Variants in LEF1 observed in about 807,000 individuals in gnomAD.
The protein encoded by LEF1 is lymphoid enhancer binding factor 1, also known as lymphoid enhancer-binding factor 1.
In LEF1, 14 loss-of-function variants were observed where a neutral mutation model predicts 51.2. That is an observed-to-expected ratio of 0.27 (90% CI 0.18 to 0.43). The LOEUF (loss-of-function observed/expected upper bound fraction) is 0.43. Ranked by LOEUF, LEF1 falls within the 20% of genes least tolerant of loss-of-function variation. The pLI, the probability that LEF1 is intolerant of heterozygous loss-of-function variation, is 1.00. For missense variants in LEF1, 386 were observed against 512.0 expected, an observed-to-expected ratio of 0.75 and a Z score of 2.37; for synonymous variants, 185 against 183.2, an observed-to-expected ratio of 1.01 and a Z score of -0.08.
At chr4:108,157,179 T>TATAC (rs780217431) in intron 3 of LEF1, among the ~76,000 whole-genome samples, 1,257 of 116,750 alleles carry the variant, frequency 0.011, 10 homozygotes, top group East Asian at 0.03. Flanking sequence ...TATATATATA[T>TATAC]ACACACACAC....
At chr4:108,103,412 A>G (rs1740948632) in intron 3 of LEF1, among the ~76,000 whole-genome samples, 1 of 152,218 alleles carries the variant, frequency 6.6e-6, no homozygotes, top group Non-Finnish European at 1.5e-5. Context: ...ACAAAGAAAC[A>G]TCCATTTTAA....
chr4:108,064,412 TCA>T (rs758207570), intron 9 of LEF1, 28 bp from the exon 10 acceptor site: 10 of 1,552,310 alleles, frequency 6.4e-6, no homozygotes, highest in Non-Finnish European at 8.0e-6. Context: ...TACTGTCATG[TCA>T]CAGATTGTAC....
At chr4:108,057,974 A>T (rs1249874012) in intron 11 of LEF1, among the ~76,000 whole-genome samples, 1 of 151,676 alleles carries the variant, frequency 6.6e-6, no homozygotes, top group Non-Finnish European at 1.5e-5. Flanking sequence ...CCCAGGTTCA[A>T]GTGATTCTCC....
At chr4:108,067,133 T>C (rs1193803663) in intron 9 of LEF1, among the ~76,000 whole-genome samples, 3 of 152,220 alleles carry the variant, frequency 2.0e-5, no homozygotes, top group Non-Finnish European at 4.4e-5. Context: ...GAATGACTTA[T>C]TTTGATTATG....
chr4:108,063,897 T>G (rs147559426), intron 10 of LEF1, among the ~76,000 whole-genome samples: 1 of 152,274 alleles, frequency 6.6e-6, no homozygotes, highest in African/African-American at 2.4e-5. Flanking sequence ...ACAAACCCTA[T>G]CATTATGTTT....
chr4:108,134,949 A>G (rs1474738965), intron 3 of LEF1, among the ~76,000 whole-genome samples: 1 of 152,234 alleles, frequency 6.6e-6, no homozygotes, highest in Non-Finnish European at 1.5e-5. Flanking sequence ...CCTGCCTTTC[A>G]AATTCCCATA....
chr4:108,071,610 G>A (rs1738477667), intron 8 of LEF1: 1 of 152,186 alleles, frequency 6.6e-6, no homozygotes, highest in Admixed American at 6.5e-5. Context: ...GGGATTTTAA[G>A]GGGTTTACAT....
chr4:108,094,673 C>T (rs1292175366), intron 3 of LEF1, among the ~76,000 whole-genome samples: 1 of 152,182 alleles, frequency 6.6e-6, no homozygotes, highest in African/African-American at 2.4e-5. Context: ...CTAAACTAAA[C>T]CCAAAGTGCG....
intron 3 of LEF1, among the ~76,000 whole-genome samples, chr4:108,094,415 G>C (rs1740246423): frequency 6.6e-6 from 1 of 152,204 alleles, no homozygotes; most frequent in Non-Finnish European, 1.5e-5. Context: ...CACGAAGTGG[G>C]TGCCACTTAG....
intron 3 of LEF1, among the ~76,000 whole-genome samples, chr4:108,110,393 C>T (rs1741450194): frequency 6.6e-6 from 1 of 152,158 alleles, no homozygotes. Flanking sequence ...TTACTACGCC[C>T]CTAGTGAAAC....
intron 11 of LEF1, among the ~76,000 whole-genome samples, chr4:108,050,558 T>C (rs1736912992): frequency 6.6e-6 from 1 of 152,074 alleles, no homozygotes; most frequent in South Asian, 2.1e-4. Flanking sequence ...GAGCCTGGGG[T>C]GGGAGAGAGG....
intron 3 of LEF1, among the ~76,000 whole-genome samples, chr4:108,138,506 T>TACACACACACAC (rs79489271): frequency 6.6e-5 from 10 of 150,378 alleles, no homozygotes; most frequent in South Asian, 2.1e-4. Flanking sequence ...TGTGTGTGTA[T>TACACACACACAC]ACACACACAC....
chr4:108,081,752 G>T, intron 5 of LEF1, 83 bp from the exon 6 acceptor site: 2 of 938,584 alleles, frequency 2.1e-6, no homozygotes, highest in Non-Finnish European at 3.4e-6. Flanking sequence ...GGGGAGAAGA[G>T]GGAGATATTC....
At chr4:108,072,314 G>A (rs553406732) in intron 8 of LEF1, 16 of 152,346 alleles carry the variant, frequency 1.1e-4, no homozygotes, top group Non-Finnish European at 1.9e-4. Flanking sequence ...GTGTAGCTAA[G>A]AAAACAAACA....
At chr4:108,165,185 C>T (rs773984067) in intron 1 of LEF1, 22 bp from the exon 2 acceptor site, 2 of 1,610,372 alleles carry the variant, frequency 1.2e-6, no homozygotes, top group South Asian at 2.2e-5. Flanking sequence ...AATCCCCACA[C>T]CCAAAAGAAA....
chr4:108,049,201 A>G (rs141433221), intron 11 of LEF1, among the ~76,000 whole-genome samples: 1 of 152,248 alleles, frequency 6.6e-6, no homozygotes, highest in African/African-American at 2.4e-5. Context: ...ACATTACCCA[A>G]CGCACTGCCA....
chr4:108,158,784 A>G (rs1308888258), intron 3 of LEF1, among the ~76,000 whole-genome samples: 1 of 152,096 alleles, frequency 6.6e-6, no homozygotes, highest in Non-Finnish European at 1.5e-5. Flanking sequence ...GAGTCTACAA[A>G]TTCAAGTCCA....
At chr4:108,144,865 C>CAAGAAA (rs1743898136) in intron 3 of LEF1, among the ~76,000 whole-genome samples, 1 of 41,926 alleles carries the variant, frequency 2.4e-5, no homozygotes, top group Non-Finnish European at 4.0e-5. Flanking sequence ...CCCAACCAGC[C>CAAGAAA]AAAAAAAAAA....
rs140398834 is a variant in LEF1, at chr4:108,074,660, G to A, written c.1008+3560C>T. ...GCTAGCAAGGGCTGCCCTGCCAGAGGGGAGTTATGAAAGGATAGAAAACCT... is the reference window on the plus strand; with the variant it reads ...GCTAGCAAGGGCTGCCCTGCCAGAGAGGAGTTATGAAAGGATAGAAAACCT... On this transcript the variant is annotated intron_variant, in intron 8 of 11. Coordinates refer to ENST00000265165, the MANE Select transcript of LEF1 (RefSeq NM_016269.5). Among the ~76,000 whole-genome samples, 8 of 152,282 alleles carry A rather than the reference G, an allele frequency of 5.3e-5. 1 individual carries two copies. Among genetic ancestry groups the A allele is most frequent in the African/African-American group, 1.7e-4 (7 of 41,560 alleles).
Sources: gnomAD v4.1 joint callset for allele counts (sites outside exome capture counted in the v4.1 genomes callset) on GRCh38, gnomAD v4.1.1 for gene constraint, MANE v1.5 for transcripts, NCBI Gene and HGNC (gene_info 2026-07-23, HGNC 2026-07-21) for gene names.